Variants in WASHC5 observed in about 807,000 individuals in gnomAD.
WASHC5 encodes WASH complex subunit 5.
In WASHC5, 101 loss-of-function variants were observed where a neutral mutation model predicts 150.4. That is an observed-to-expected ratio of 0.67 (90% confidence interval 0.57 to 0.79). The LOEUF (loss-of-function observed/expected upper bound fraction) is 0.79. Ranked by LOEUF, WASHC5 falls within the 30% of genes least tolerant of loss-of-function variation. WASHC5 has a pLI of 0.00. For missense variants in WASHC5, 1,195 were observed against 1,396.3 expected (o/e 0.86, Z 2.30); for synonymous variants, 467 against 491.2 (o/e 0.95, Z 0.65).
intron 1 of WASHC5, among the ~76,000 whole-genome samples, chr8:125,086,826 T>C (rs548502530): frequency 3.3e-4 from 50 of 152,250 alleles, no homozygotes; most frequent in Admixed American, 3.3e-4. Context: ...GGAAAGACCA[T>C]GCTGAGAGGG....
At chr8:125,035,318 G>C (rs1815668064) in intron 26 of WASHC5, among the ~76,000 whole-genome samples, 1 of 152,062 alleles carries the variant, frequency 6.6e-6, no homozygotes, top group African/African-American at 2.4e-5. Context: ...CAAGGTGCCA[G>C]GCCCTAATCA....
At position 125,063,426 on chromosome 8, in the gene WASHC5, G is replaced by A. The variant is rs546562389; in HGVS notation, c.1408+96C>T. 164 of 1,284,994 alleles carry A rather than the reference G, an allele frequency of 1.3e-4. No homozygotes were observed. In the African/African-American group the frequency reaches 2.1e-3, roughly 16 times the overall value. 79.6% of individuals were successfully genotyped at this position (1,284,994 alleles called of 1,614,324 possible). A position where few individuals can be genotyped will look rare whatever the true frequency, so the allele number is the denominator to read the frequency against. ...ATGGAATATCATAGGATACAATAAT[G>A]AGAACATAAAGTCTTTTTAACCTGC... On this transcript the variant is annotated intron_variant, in intron 11 of 28. Coordinates refer to ENST00000318410, the MANE Select transcript of WASHC5 (RefSeq NM_014846.4).
At chr8:125,074,312 T>C (rs761841206) in intron 8 of WASHC5, among the ~76,000 whole-genome samples, 4 of 152,230 alleles carry the variant, frequency 2.6e-5, no homozygotes, top group Non-Finnish European at 5.9e-5. Flanking sequence ...TTTTGTGCAT[T>C]ATTTATGGAA....
Position 125,061,512 on chromosome 8 carries a change from A to G in WASHC5, c.1409-318T>C, listed in dbSNP as rs75742359. ...AGGATGACCCTAGTTACCAGGGAGA[A>G]TTTTCTGGAGAAGCGAGGAAAAGTA... On this transcript the variant is annotated intron_variant, in intron 11 of 28. Coordinates refer to ENST00000318410, the MANE Select transcript of WASHC5 (RefSeq NM_014846.4). 0.026 allele frequency among the ~76,000 whole-genome samples: 4,001 copies of G among 152,256 alleles called. 180 individuals are homozygous for G. The highest frequency in any genetic ancestry group is 0.092 in the African/African-American group (3,831 of 41,522).
chr8:125,085,384 T>A (rs1024237311), intron 1 of WASHC5, among the ~76,000 whole-genome samples: 1 of 152,158 alleles, frequency 6.6e-6, no homozygotes, highest in African/African-American at 2.4e-5. Context: ...AACTTTTCCA[T>A]GGTAAATGAC....
intron 9 of WASHC5, among the ~76,000 whole-genome samples, chr8:125,068,873 C>A (rs1002989701): frequency 2.0e-5 from 3 of 152,328 alleles, no homozygotes; most frequent in African/African-American, 7.2e-5. Context: ...CAAGCTAAAC[C>A]ATTTCAAATG....
At chr8:125,045,910 C>T (rs191431479) in intron 20 of WASHC5, among the ~76,000 whole-genome samples, 7 of 152,238 alleles carry the variant, frequency 4.6e-5, no homozygotes, top group East Asian at 1.9e-4. Flanking sequence ...AAAAAGGCTT[C>T]GGTGATTGAA....
At position 125,076,434 on chromosome 8, in the gene WASHC5, C is replaced by T. The variant is rs757403142; in HGVS notation, c.778G>A (p.Val260Met). 39 of 1,613,876 alleles carry T rather than the reference C, an allele frequency of 2.4e-5. No homozygotes were observed. The highest frequency in any genetic ancestry group is 6.7e-5 in the Admixed American group (4 of 59,976). ...ALANQAAMLY[V>M]ILYFEPSILH... ...ATGGAAGGCTCAAAGTAGAGAATCACGTACAGCATGGCAGCTTGGTTTGCC... is the reference window on the plus strand; with the variant it reads ...ATGGAAGGCTCAAAGTAGAGAATCATGTACAGCATGGCAGCTTGGTTTGCC... The change falls in exon 7 of 29, where the codon GTG (valine) becomes ATG (methionine). Residue 260 changes from valine (V) to methionine (M), a missense_variant. This residue lies in a region of WASHC5 where 997 missense variants were observed against 1,168.1 expected (regional missense o/e 0.85). Coordinates refer to ENST00000318410, the MANE Select transcript of WASHC5 (RefSeq NM_014846.4).
In WASHC5 at chr8:125,072,105, C is replaced by A. The variant is rs190108304; in HGVS notation, c.1150+1048G>T. ...CCTATAATCCTAGCACTTTGGGAGG[C>A]CGAGGTGGGCAGACTGCTTGGGCTC... On this transcript the variant is annotated intron_variant, in intron 9 of 28. Transcript: ENST00000318410. Among the ~76,000 whole-genome samples the A allele has an allele frequency of 2.8e-3, 431 of 152,072 alleles. 2 individuals are homozygous for A. The highest frequency in any genetic ancestry group is 0.01 in the Middle Eastern group (3 of 292).
At chr8:125,044,764 C>T (rs1816009509) in intron 20 of WASHC5, 66 bp from the exon 21 acceptor site, 1 of 1,477,204 alleles carries the variant, frequency 6.8e-7, no homozygotes, top group Non-Finnish European at 9.4e-7. Context: ...GATGTTAGGA[C>T]TCAACAGGAC....
At position 125,061,214 on chromosome 8, in the gene WASHC5, A is replaced by C. The variant is rs1816584341; in HGVS notation, c.1409-20T>G. ...GGTTTTCTAGTAATACAGAAATAAG[A>C]AAATACTGAAATCCTCGAATTCCTG... On this transcript the variant is annotated intron_variant, in intron 11 of 28. Coordinates refer to ENST00000318410, the MANE Select transcript of WASHC5 (RefSeq NM_014846.4). 12 of 1,254,796 alleles carry C rather than the reference A, an allele frequency of 9.6e-6. No individual in the cohort carries two copies. Among genetic ancestry groups the C allele is most frequent in the Non-Finnish European group, 1.4e-5 (12 of 854,244 alleles). The allele number at this position is 1,254,796 out of a possible 1,614,324, so 77.7% of individuals were successfully genotyped here.
In WASHC5 at chr8:125,044,594, G is replaced by A. The variant is rs779210823; in HGVS notation, c.2609C>T (p.Thr870Ile). 3.7e-6 allele frequency: 6 copies of A among 1,613,976 alleles called. No individual in the cohort carries two copies. Among genetic ancestry groups the A allele is most frequent in the Non-Finnish European group, 5.1e-6 (6 of 1,179,982 alleles). The change falls in exon 21 of 29, where the codon ACC (threonine) becomes ATC (isoleucine). Residue 870 changes from threonine to isoleucine, a missense_variant. Transcript: ENST00000318410. ...CCTGTCTAAGCCATTTAGACCAAAG[G>A]TTCCCAAGGTGGTCTGGATTTCTGA... ...LFSEIQTTLGTFGLNGLDRLL... is the reference protein window; with the variant it reads ...LFSEIQTTLGIFGLNGLDRLL...
In WASHC5 at chr8:125,024,605, T is replaced by C. The variant is rs748065422; in HGVS notation, c.*12A>G. 6 of 1,589,598 alleles carry C rather than the reference T, an allele frequency of 3.8e-6. No individual in the cohort carries two copies. The highest frequency in any genetic ancestry group is 1.7e-5 in the Admixed American group (1 of 59,960). On this transcript the variant is annotated 3_prime_UTR_variant, in exon 29 of 29. Coordinates refer to ENST00000318410, the MANE Select transcript of WASHC5 (RefSeq NM_014846.4). ...AAGGACAATCCTTCCATTGAAGAAG[T>C]AGGAAAAACAGTTACAGCACTGTTC...
intron 21 of WASHC5, 98 bp downstream of exon 21, chr8:125,044,438 T>C (rs990210025): frequency 3.8e-6 from 5 of 1,309,922 alleles, no homozygotes; most frequent in African/African-American, 2.9e-5. Flanking sequence ...TAAGAAATCA[T>C]GGAAGAAAGG....
At position 125,049,197 on chromosome 8, in the gene WASHC5, G is replaced by C. The variant is rs754312921; in HGVS notation, c.2200-12C>G. On this transcript the variant is annotated splice_polypyrimidine_tract_variant and intron_variant, in intron 18 of 28. Transcript: ENST00000318410. ...ATCAATTCACTTGGCTGTGGAAAAG[G>C]GGAAACATAAAGCTCTTACACTGGA... 2 of 1,613,860 alleles carry C rather than the reference G, an allele frequency of 1.2e-6. No individual in the cohort carries two copies. The highest frequency in any genetic ancestry group is 1.7e-6 in the Non-Finnish European group (2 of 1,179,836).
chr8:125,085,314 G>A (rs1443019964), intron 1 of WASHC5, among the ~76,000 whole-genome samples: 1 of 152,194 alleles, frequency 6.6e-6, no homozygotes, highest in Non-Finnish European at 1.5e-5. Flanking sequence ...GGAATTCGGG[G>A]CTAGAGAAAG....
chr8:125,069,915 T>C (rs1445561893), intron 9 of WASHC5, among the ~76,000 whole-genome samples: 5 of 152,214 alleles, frequency 3.3e-5, no homozygotes, highest in Non-Finnish European at 7.3e-5. Context: ...CATGTTTGCA[T>C]AGGGAATGTT....
chr8:125,072,978 T>C (rs1816943385), intron 9 of WASHC5, among the ~76,000 whole-genome samples, 175 bp downstream of exon 9: 1 of 152,204 alleles, frequency 6.6e-6, no homozygotes, highest in East Asian at 1.9e-4. Flanking sequence ...GGGAGAGCTT[T>C]TCAGGTATGC....
chr8:125,068,172 C>T (rs1394908469), intron 9 of WASHC5, among the ~76,000 whole-genome samples: 5 of 152,164 alleles, frequency 3.3e-5, no homozygotes, highest in Admixed American at 3.3e-4. Context: ...GCAAGGTTGG[C>T]TCTTGGCTGG....
Sources: allele counts gnomAD v4.1 joint callset (sites outside exome capture counted in the v4.1 genomes callset), GRCh38; gene constraint gnomAD v4.1.1; regional missense constraint gnomAD v4.1.1; transcripts MANE v1.5; gene names NCBI Gene and HGNC (gene_info 2026-07-23, HGNC 2026-07-21).